EXOC3L1: variants seen among roughly 807,000 people sequenced by gnomAD.
The protein encoded by EXOC3L1 is exocyst complex component 3-like protein.
Under a neutral mutation model 83.6 loss-of-function variants are expected in EXOC3L1, and 79 were observed. The observed-to-expected ratio is 0.95, with a 90% CI of 0.79 to 1.14. EXOC3L1 has a LOEUF of 1.14. Among genes scored for constraint, EXOC3L1 ranks in the 50% most tolerant of loss-of-function variants. EXOC3L1 has a pLI of 0.00. For missense variants in EXOC3L1, 945 were observed against 972.0 expected (o/e 0.97, Z 0.37); for synonymous variants, 433 against 451.2 (o/e 0.96, Z 0.51).
chr16:67,185,595 A>T, intron 9 of EXOC3L1, 105 bp from the exon 10 acceptor site: 5 of 1,078,136 alleles, frequency 4.6e-6, no homozygotes, highest in Non-Finnish European at 6.9e-6. Context: ...GTTTGACGGG[A>T]GGGAGCGAGA....
chr16:67,186,182 T>C (rs1056881486), intron 9 of EXOC3L1, 55 bp downstream of exon 9: 1 of 1,232,562 alleles, frequency 8.1e-7, no homozygotes. Flanking sequence ...CCATACATAA[T>C]AGGTACTCAA....
chr16:67,186,784 G>A lies in EXOC3L1; in HGVS notation c.1259C>T (p.Ser420Leu). The A allele has an allele frequency of 6.2e-7, 1 of 1,613,740 alleles. No individual in the cohort carries two copies. The highest frequency in any genetic ancestry group is 8.5e-7 in the Non-Finnish European group (1 of 1,180,022). ...CTGCAGCACAATGGCTGGCATTGGTGAGTAATAGGAGCCAGACGGGTCTGT... is the reference window on the plus strand; with the variant it reads ...CTGCAGCACAATGGCTGGCATTGGTAAGTAATAGGAGCCAGACGGGTCTGT... ...PNTDPSGSYY[S>L]PMPAIVLQIL... is the part of the protein sequence containing the mutation. The change falls in exon 7 of 14, where the codon TCA becomes TTA. Residue 420 changes from serine (S) to leucine (L), a missense_variant. Physicochemically the swap from Ser to Leu is moderately radical, Grantham distance 145. Coordinates refer to ENST00000314586, the MANE Select transcript of EXOC3L1 (RefSeq NM_178516.4).
chr16:67,189,987 T>C lies in EXOC3L1; in HGVS notation c.-24A>G. 1 of 361,846 alleles carries C rather than the reference T, an allele frequency of 2.8e-6. No individual in the cohort carries two copies. Among genetic ancestry groups the C allele is most frequent in the East Asian group, 4.8e-5 (1 of 20,782 alleles). The allele number at this position is 361,846 out of a possible 1,614,324, so 22.4% of individuals were successfully genotyped here. A position where few individuals can be genotyped will look rare whatever the true frequency, so the allele number is the denominator to read the frequency against. On this transcript the variant is annotated 5_prime_UTR_variant, in exon 1 of 14. Coordinates refer to ENST00000314586, the MANE Select transcript of EXOC3L1 (RefSeq NM_178516.4). ...AGAACTTACCAGATTTGATCAGGCG[T>C]CCAGTTCTCCCTCCAAAAATGACCT...
At position 67,184,577 on chromosome 16, in the gene EXOC3L1, G is replaced by A; in HGVS notation, c.2058C>T (p.Gly686=). 1.3e-6 allele frequency: 2 copies of A among 1,565,462 alleles called. No homozygotes were observed. The highest frequency in any genetic ancestry group is 1.1e-5 in the South Asian group (1 of 86,964). The change falls in exon 14 of 14, where the codon GGC becomes GGT. Residue 686 remains glycine, a synonymous_variant. Coordinates refer to ENST00000314586, the MANE Select transcript of EXOC3L1 (RefSeq NM_178516.4). ...VSEDHVSALL[G]LRGDLSREQH... Reference sequence around the variant, plus strand: ...GCTCCCGGGACAAGTCCCCGCGCAGGCCCAAGAGGGCGGAGACGTGGTCCT... The same window carrying A: ...GCTCCCGGGACAAGTCCCCGCGCAGACCCAAGAGGGCGGAGACGTGGTCCT...
rs368050615 is a variant in EXOC3L1 at position 67,185,516 on chromosome 16, A to T, written c.1497-26T>A. 46 of 1,599,182 alleles carry T rather than the reference A, an allele frequency of 2.9e-5. No homozygotes were observed. The African/African-American group carries it at 6.0e-4, about 21-fold the overall frequency. ...CTGGACCAAGCAAAACTACGGCTTC[A>T]GGACCAAGGCCAAGGCCCGCATGGC... On this transcript the variant is annotated intron_variant, in intron 9 of 13. Transcript: ENST00000314586.
chr16:67,186,412 T>G, intron 8 of EXOC3L1, 65 bp from the exon 9 acceptor site: 1 of 1,413,948 alleles, frequency 7.1e-7, no homozygotes, highest in Middle Eastern at 1.8e-4. Context: ...CCCCAGTCCC[T>G]GGTACTCCTG....
intron 10 of EXOC3L1, 47 bp downstream of exon 10, chr16:67,185,314 C>T (rs1597268157): frequency 1.2e-6 from 2 of 1,613,012 alleles, no homozygotes; most frequent in South Asian, 1.1e-5. Flanking sequence ...CGTAGCTGTA[C>T]CGCCACCTCT....
In EXOC3L1 at chr16:67,184,586, G is replaced by A. The variant is rs1233321554; in HGVS notation, c.2049C>T (p.Ala683=). 2.5e-6 allele frequency: 4 copies of A among 1,576,856 alleles called. No individual in the cohort carries two copies. The highest frequency in any genetic ancestry group is 3.4e-6 in the Non-Finnish European group (4 of 1,168,270). ...FPDVSEDHVS[A]LLGLRGDLSR... ...ACAAGTCCCCGCGCAGGCCCAAGAG[G>A]GCGGAGACGTGGTCCTCGCTGCAGG... The change falls in exon 14 of 14, where the codon GCC becomes GCT. Residue 683 remains alanine, a synonymous_variant. Coordinates refer to ENST00000314586, the MANE Select transcript of EXOC3L1 (RefSeq NM_178516.4).
rs1257298548 is a variant in EXOC3L1, at chr16:67,187,255, A to G, written c.1010T>C (p.Leu337Ser). 6 of 1,612,232 alleles carry G rather than the reference A, an allele frequency of 3.7e-6. No homozygotes were observed. Among genetic ancestry groups the G allele is most frequent in the Non-Finnish European group, 5.1e-6 (6 of 1,179,382 alleles). ...GTACACATGCAGTGCCCAGTGCAGC[A>G]AGGCGAAGGCATCCGCAGCTTCTAG... ...PELEAADAFA[L>S]LHWALHVYLG... The change falls in exon 5 of 14, where the codon TTG becomes TCG. Residue 337 changes from leucine (L) to serine (S), a missense_variant. Transcript: ENST00000314586.
intron 4 of EXOC3L1, among the ~76,000 whole-genome samples, chr16:67,188,278 C>A (rs1333582144): frequency 6.6e-6 from 1 of 151,928 alleles, no homozygotes; most frequent in Non-Finnish European, 1.5e-5. Context: ...AACAAAAAAC[C>A]ATAAATAAAT....
Position 67,189,644 on chromosome 16 carries a change from C to T in EXOC3L1, c.33G>A (p.Pro11=), listed in dbSNP as rs375857120. The stretch of plus-strand genomic sequence containing the variant: ...AAAGGTTCATACCAGGGGACAACGC[C>T]GGCTGCATCTCATCCTTGGCTGCTG... MDSAAKDEMQ[P]ALSPGPEWPE... is the part of the protein sequence containing the mutation. Residue 11 remains proline, a synonymous_variant, in exon 2 of 14, where the codon CCG becomes CCA. Transcript: ENST00000314586. 11 of 1,613,966 alleles carry T rather than the reference C, an allele frequency of 6.8e-6. No homozygotes were observed. Among genetic ancestry groups the T allele is most frequent in the African/African-American group, 5.3e-5 (4 of 74,922 alleles).
At position 67,184,488 on chromosome 16, in the gene EXOC3L1, C is replaced by T. The variant is rs201102355; in HGVS notation, c.2147G>A (p.Arg716His). Residue 716 changes from arginine to histidine, a missense_variant, in exon 14 of 14, where the codon CGC (arginine) becomes CAC (histidine). Transcript: ENST00000314586. The part of the protein sequence containing the change: ...ALPPSPRASR[R>H]VLFSLVPAPA... ...CGCGGGCACTAGGCTGAAGAGGACG[C>T]GGCGGCTCGCGCGGGGCGACGGCGG... 11,902 of 1,522,036 alleles carry T rather than the reference C, an allele frequency of 7.8e-3. 56 individuals carry two copies. Among genetic ancestry groups the T allele is most frequent in the Non-Finnish European group, 9.5e-3 (10,881 of 1,141,964 alleles). The allele number at this position is 1,522,036 out of a possible 1,614,324, so 94.3% of individuals were successfully genotyped here.
intron 9 of EXOC3L1, 132 bp from the exon 10 acceptor site, chr16:67,185,622 C>T: frequency 1.2e-6 from 1 of 817,778 alleles, no homozygotes; most frequent in Middle Eastern, 3.7e-4. Context: ...GCTCTCTGCA[C>T]TTCTGGTCCC....
Position 67,185,148 on chromosome 16 carries a change from G to A in EXOC3L1, c.1737C>T (p.Asn579=), listed in dbSNP as rs2145984519. ...TCCCCCAACCCACCTGAACCGTGGG[G>A]TTCCGCACGCGCCAGAAGTCCCGGC... ...RFCRDFWRVR[N]PTVQLLLAEA... The change falls in exon 11 of 14, where the codon AAC becomes AAT. Residue 579 remains asparagine, a synonymous_variant. Coordinates refer to ENST00000314586, the MANE Select transcript of EXOC3L1 (RefSeq NM_178516.4). The A allele has an allele frequency of 3.1e-6, 5 of 1,613,280 alleles. No homozygotes were observed. The highest frequency in any genetic ancestry group is 4.2e-6 in the Non-Finnish European group (5 of 1,180,030).
chr16:67,187,628 C>T lies in EXOC3L1; in HGVS notation c.637G>A (p.Ala213Thr), dbSNP rs547724747. 2 of 1,608,490 alleles carry T rather than the reference C, an allele frequency of 1.2e-6. No individual in the cohort carries two copies. The highest frequency in any genetic ancestry group is 2.2e-5 in the South Asian group (2 of 90,814). Residue 213 changes from alanine (A) to threonine (T), a missense_variant, in exon 5 of 14, where the codon GCA becomes ACA. Ala to Thr is a moderately conservative substitution (Grantham distance 58). Coordinates refer to ENST00000314586, the MANE Select transcript of EXOC3L1 (RefSeq NM_178516.4). ...ACCAACAGGGCTGGGTCCTCCCGTG[C>T]CAGCTTCCCTGCGGCCCCTGCAGCT... The part of the protein sequence containing the change: ...EAAAGAAGKL[A>T]REDPALLVAA...
rs372580618 is a variant in EXOC3L1, at chr16:67,184,806, A to T, written c.1910T>A (p.Leu637Gln). The change falls in exon 13 of 14, where the codon CTG (leucine) becomes CAG (glutamine). Residue 637 changes from leucine to glutamine, a missense_variant. Physicochemically the swap from Leu to Gln is moderately radical, Grantham distance 113. Transcript: ENST00000314586. ...CGGCGCGCAGTGCGCGTTCTCCTCCAGGCCCTGAGCACGTCGGGGTAGGGT... is the reference window on the plus strand; with the variant it reads ...CGGCGCGCAGTGCGCGTTCTCCTCCTGGCCCTGAGCACGTCGGGGTAGGGT... The part of the protein sequence containing the change: ...QLQQLFLSLG[L>Q]EENAHCAPVL... 1.2e-6 allele frequency: 2 copies of T among 1,602,904 alleles called. No individual in the cohort carries two copies. The highest frequency in any genetic ancestry group is 1.7e-6 in the Non-Finnish European group (2 of 1,179,534).
chr16:67,185,201 T>A lies in EXOC3L1; in HGVS notation c.1684A>T (p.Ser562Cys). The change falls in exon 11 of 14, where the codon AGT becomes TGT. Residue 562 changes from serine (S) to cysteine (C), a missense_variant. Ser to Cys is a moderately radical substitution (Grantham distance 112, BLOSUM62 -1). Transcript: ENST00000314586. ...AAGCGCCCCGTCCGTTCACACACAC[T>A]TTGCAGGAGCTCAGGGCTCGACAGC... The part of the protein sequence containing the change: ...QWLSSPELLQ[S>C]VCERTGRFCR... 1 of 1,613,008 alleles carries A rather than the reference T, an allele frequency of 6.2e-7. No homozygotes were observed. Among genetic ancestry groups the A allele is most frequent in the Non-Finnish European group, 8.5e-7 (1 of 1,179,924 alleles).
rs776930601 is a variant in EXOC3L1 at position 67,184,681 on chromosome 16, C to G, written c.2030+5G>C. 6.3e-7 allele frequency: 1 copy of G among 1,576,026 alleles called. No individual in the cohort carries two copies. The highest frequency in any genetic ancestry group is 1.1e-5 in the South Asian group (1 of 88,140). Reference sequence around the variant, plus strand: ...TTCTCTTCCCTTCTGGCCCCCAGTCCGCACCTCACGTCGGGAAATTGTTGC... The same window carrying G: ...TTCTCTTCCCTTCTGGCCCCCAGTCGGCACCTCACGTCGGGAAATTGTTGC... On this transcript the variant is annotated splice_donor_5th_base_variant and intron_variant, in intron 13 of 13. Transcript: ENST00000314586.
At position 67,188,875 on chromosome 16, in the gene EXOC3L1, C is replaced by T. The variant is rs749360956; in HGVS notation, c.273G>A (p.Glu91=). 17 of 1,613,228 alleles carry T rather than the reference C, an allele frequency of 1.1e-5. No individual in the cohort carries two copies. Among genetic ancestry groups the T allele is most frequent in the Non-Finnish European group, 1.4e-5 (17 of 1,180,014 alleles). The change falls in exon 4 of 14, where the codon GAG becomes GAA. Residue 91 remains glutamate, a synonymous_variant. Coordinates refer to ENST00000314586, the MANE Select transcript of EXOC3L1 (RefSeq NM_178516.4). ...GGGCCTCCCGGGTTCCCTGCACCACCTCAATGGCCTGGGCCAGCTGCCACA... is the reference window on the plus strand; with the variant it reads ...GGGCCTCCCGGGTTCCCTGCACCACTTCAATGGCCTGGGCCAGCTGCCACA... ...TGVWQLAQAI[E]VVQGTREALS... is the part of the protein sequence containing the mutation.
Sources: allele counts gnomAD v4.1 joint callset (sites outside exome capture counted in the v4.1 genomes callset), GRCh38; gene constraint gnomAD v4.1.1; transcripts MANE v1.5; gene names NCBI Gene and HGNC (gene_info 2026-07-23, HGNC 2026-07-21).